Variants in ZNF143 observed in about 807,000 individuals in gnomAD.
ZNF143 encodes SPH-binding factor.
A neutral mutation model predicts 74.1 loss-of-function variants in ZNF143; 49 were observed. The ratio of observed to expected loss-of-function variants is 0.66; its 90% CI spans 0.53 to 0.84. The LOEUF (loss-of-function observed/expected upper bound fraction) is 0.84, where lower values mean the gene tolerates loss of function less well. ZNF143 is among the 40% of genes least tolerant of loss of function. ZNF143 has a pLI of 0.00. For missense variants in ZNF143, 637 were observed against 793.4 expected (o/e 0.80, Z 2.37); for synonymous variants, 304 against 282.8 (o/e 1.07, Z -0.75).
chr11:9,508,602 T>C lies in ZNF143; in HGVS notation c.1148-17T>C. On this transcript the variant is annotated splice_polypyrimidine_tract_variant and intron_variant, in intron 11 of 15. Coordinates refer to ENST00000396602, the MANE Select transcript of ZNF143 (RefSeq NM_003442.6). ...ACATATGTAAAAGTTGAACTTTTTTTTGGTGTTGCTCTTTAGGAGAAAAGC... is the reference window on the plus strand; with the variant it reads ...ACATATGTAAAAGTTGAACTTTTTTCTGGTGTTGCTCTTTAGGAGAAAAGC... 1 of 1,601,592 alleles carries C rather than the reference T, an allele frequency of 6.2e-7. No homozygotes were observed.
chr11:9,485,603 T>A (rs1847442331), intron 7 of ZNF143, among the ~76,000 whole-genome samples: 1 of 151,528 alleles, frequency 6.6e-6, no homozygotes, highest in South Asian at 2.1e-4. Flanking sequence ...TGGCTTGGCC[T>A]CCCAAAGATT....
intron 7 of ZNF143, among the ~76,000 whole-genome samples, chr11:9,486,412 A>ATTATTATATAT (rs1491276045): frequency 1.0e-4 from 2 of 19,326 alleles, no homozygotes; most frequent in Non-Finnish European, 2.0e-4. Context: ...TTATATATAT[A>ATTATTATATAT]ATATATATTA....
At chr11:9,512,022 A>G (rs772086586) in intron 12 of ZNF143, among the ~76,000 whole-genome samples, 1 of 152,090 alleles carries the variant, frequency 6.6e-6, no homozygotes, top group Non-Finnish European at 1.5e-5. Context: ...AAGTCCTGGG[A>G]TTACAGGCAT....
chr11:9,496,451 T>C, intron 9 of ZNF143, 73 bp downstream of exon 9: 1 of 1,286,410 alleles, frequency 7.8e-7, no homozygotes, highest in Non-Finnish European at 1.1e-6. Flanking sequence ...TGGAAGGAAC[T>C]GACCCCTTGG....
intron 10 of ZNF143, 74 bp from the exon 11 acceptor site, chr11:9,501,017 G>A (rs1448841195): frequency 2.6e-6 from 4 of 1,554,498 alleles, no homozygotes; most frequent in Non-Finnish European, 1.8e-6. Context: ...ATCCTAGGCA[G>A]GATTGAAGGA....
chr11:9,467,417 G>T (rs1039341671), intron 1 of ZNF143, among the ~76,000 whole-genome samples: 1 of 151,310 alleles, frequency 6.6e-6, no homozygotes, highest in Non-Finnish European at 1.5e-5. Flanking sequence ...TATATTTTTA[G>T]TAGAGACAGG....
In ZNF143 at chr11:9,494,672, A is replaced by G; in HGVS notation, c.672A>G (p.Arg224=). ...MQIVLQGHAT[R]VTAKSQQSGE... ...TTGTTTTACAAGGACATGCTACAAGAGTAACTGCTAAATCTCAACAGAGTG... is the reference window on the plus strand; with the variant it reads ...TTGTTTTACAAGGACATGCTACAAGGGTAACTGCTAAATCTCAACAGAGTG... The change falls in exon 8 of 16, where the codon AGA becomes AGG. Residue 224 remains arginine (R), a synonymous_variant. Coordinates refer to ENST00000396602, the MANE Select transcript of ZNF143 (RefSeq NM_003442.6). 1 of 1,613,924 alleles carries G rather than the reference A, an allele frequency of 6.2e-7. No individual in the cohort carries two copies. Among genetic ancestry groups the G allele is most frequent in the African/African-American group, 1.3e-5 (1 of 75,050 alleles).
intron 11 of ZNF143, among the ~76,000 whole-genome samples, chr11:9,503,888 G>A (rs1405674346): frequency 6.7e-6 from 1 of 149,690 alleles, no homozygotes; most frequent in Non-Finnish European, 1.5e-5. Context: ...CTGACCTCAG[G>A]TGATTCACCT....
At chr11:9,475,354 G>A (rs554116248) in intron 5 of ZNF143, among the ~76,000 whole-genome samples, 4 of 152,130 alleles carry the variant, frequency 2.6e-5, no homozygotes, top group East Asian at 1.9e-4. Flanking sequence ...TGAATTCCTG[G>A]GCTCAAGGGG....
chr11:9,461,241 G>C (rs897835817), intron 1 of ZNF143, among the ~76,000 whole-genome samples, 165 bp downstream of exon 1: 8 of 152,262 alleles, frequency 5.3e-5, no homozygotes, highest in African/African-American at 1.9e-4. Context: ...AGCGGCGTCT[G>C]GGCAGAAGCG....
chr11:9,482,469 A>C (rs1004132440), intron 7 of ZNF143, among the ~76,000 whole-genome samples: 1 of 149,874 alleles, frequency 6.7e-6, no homozygotes, highest in Non-Finnish European at 1.5e-5. Context: ...ATGGGGTTTC[A>C]CTGTGTTAGC....
rs1267170143 is a variant in ZNF143 at position 9,508,847 on chromosome 11, G to A, written c.1375+1G>A. On this transcript the variant is annotated splice_donor_variant, in intron 12 of 15. Coordinates refer to ENST00000396602, the MANE Select transcript of ZNF143 (RefSeq NM_003442.6). LOFTEE classifies it high-confidence loss of function. ...GAAGCCTTCTTTGAGCCGCCCCCAG[G>A]TGAGAGTTTTGTCTACTATATTTTG... is the stretch of plus-strand genomic sequence containing the variant. The A allele has an allele frequency of 6.4e-7, 1 of 1,569,540 alleles. No homozygotes were observed. Among genetic ancestry groups the A allele is most frequent in the African/African-American group, 1.4e-5 (1 of 73,736 alleles).
chr11:9,514,710 A>G (rs1848664656), intron 13 of ZNF143, among the ~76,000 whole-genome samples: 1 of 152,226 alleles, frequency 6.6e-6, no homozygotes, highest in African/African-American at 2.4e-5. Context: ...ACAAGAGAAT[A>G]TGACACTTTC....
intron 1 of ZNF143, among the ~76,000 whole-genome samples, chr11:9,467,674 C>T (rs1413578318): frequency 1.3e-5 from 2 of 151,858 alleles, no homozygotes; most frequent in African/African-American, 4.8e-5. Flanking sequence ...GGTGAAAACC[C>T]TTCTCTACTA....
rs1384906796 is a variant in ZNF143, at chr11:9,527,653, C to A, written c.*40C>A. The A allele has an allele frequency of 1.3e-6, 2 of 1,581,898 alleles. No individual in the cohort carries two copies. Among genetic ancestry groups the A allele is most frequent in the South Asian group, 1.1e-5 (1 of 89,510 alleles). On this transcript the variant is annotated 3_prime_UTR_variant, in exon 16 of 16. Coordinates refer to ENST00000396602, the MANE Select transcript of ZNF143 (RefSeq NM_003442.6). Reference sequence around the variant, plus strand: ...GAGCAATAAAGCAGAAGGAGTCTTTCATCTTCTGGCAGCAGAAATCCATGA... The same window carrying A: ...GAGCAATAAAGCAGAAGGAGTCTTTAATCTTCTGGCAGCAGAAATCCATGA...
chr11:9,517,590 A>G (rs1210806982), intron 14 of ZNF143, among the ~76,000 whole-genome samples: 1 of 152,186 alleles, frequency 6.6e-6, no homozygotes, highest in Non-Finnish European at 1.5e-5. Context: ...CCATGATAGT[A>G]TCAAACTTTT....
chr11:9,475,897 CAAAA>C (rs143515065), intron 5 of ZNF143, among the ~76,000 whole-genome samples: 1 of 142,822 alleles, frequency 7.0e-6, no homozygotes, highest in African/African-American at 2.7e-5. Context: ...GACCCTGTCT[CAAAA>C]AAATATATAT....
At chr11:9,522,402 A>G (rs925757723) in intron 14 of ZNF143, among the ~76,000 whole-genome samples, 6 of 151,992 alleles carry the variant, frequency 3.9e-5, no homozygotes, top group African/African-American at 7.3e-5. Flanking sequence ...AAAAAAAAAA[A>G]ATTTAAATTG....
rs796709183 is a variant in ZNF143, at chr11:9,518,721, GAA to G, written c.1686+2372_1686+2373del. Among the ~76,000 whole-genome samples, 208 of 125,034 alleles carry G rather than the reference GAA, an allele frequency of 1.7e-3. 1 individual carries two copies. The highest frequency in any genetic ancestry group is 6.0e-3 in the African/African-American group (199 of 33,252). The allele number at this position is 125,034 out of a possible 152,430, so 82.0% of individuals were successfully genotyped here. ...AAAAAGAGTGAGACTCCGTCTTAAA[GAA>G]AAAAAAAAAAAAGCTTCTGGTTATT... is the stretch of plus-strand genomic sequence containing the variant. On this transcript the variant is annotated intron_variant, in intron 14 of 15. Transcript: ENST00000396602.
Sources: allele counts gnomAD v4.1 joint callset (sites outside exome capture counted in the v4.1 genomes callset), GRCh38; gene constraint gnomAD v4.1.1; transcripts MANE v1.5; gene names NCBI Gene and HGNC (gene_info 2026-07-23, HGNC 2026-07-21).